The following WDPCP variants were observed in gnomAD, a reference collection of about 807,000 sequenced individuals.
WDPCP encodes WD repeat containing planar cell polarity effector, also known as WD repeat-containing and planar cell polarity effector protein fritz homolog.
A neutral mutation model predicts 93.1 loss-of-function variants in WDPCP; 71 were observed. The ratio of observed to expected loss-of-function variants is 0.76; its 90% CI spans 0.63 to 0.93. The LOEUF (loss-of-function observed/expected upper bound fraction) is 0.93. Among genes scored for constraint, WDPCP ranks in the 40% least tolerant of loss-of-function variants. The pLI is 0.00. For missense variants in WDPCP, 844 were observed against 887.4 expected (o/e 0.95, Z 0.62); for synonymous variants, 315 against 315.0 (o/e 1.00, Z 0.00).
chr2:63,427,355 A>G (rs1195645902), intron 9 of WDPCP, among the ~76,000 whole-genome samples: 2 of 152,224 alleles, frequency 1.3e-5, no homozygotes, highest in Non-Finnish European at 2.9e-5. Flanking sequence ...AAGTATCAAT[A>G]AATTTTTTTA....
intron 2 of WDPCP, among the ~76,000 whole-genome samples, chr2:63,757,200 G>A (rs1669984288): frequency 6.6e-6 from 1 of 152,170 alleles, no homozygotes; most frequent in African/African-American, 2.4e-5. Flanking sequence ...GGGCTACAGA[G>A]ACCAATAAGC....
intron 1 of WDPCP, among the ~76,000 whole-genome samples, chr2:63,555,356 C>T (rs1253783335): frequency 2.0e-5 from 3 of 152,228 alleles, no homozygotes; most frequent in Admixed American, 6.5e-5. Context: ...TGGGACTGTA[C>T]CCCTGCAGGG....
At chr2:63,355,009 G>A (rs187816719) in intron 12 of WDPCP, among the ~76,000 whole-genome samples, 2 of 152,298 alleles carry the variant, frequency 1.3e-5, no homozygotes, top group Admixed American at 1.3e-4. Flanking sequence ...CAAACATGTG[G>A]AAAACATATT....
chr2:63,786,121 C>A (rs1670464574), intron 2 of WDPCP, among the ~76,000 whole-genome samples: 1 of 152,136 alleles, frequency 6.6e-6, no homozygotes, highest in South Asian at 2.1e-4. Context: ...CTCACTGCAA[C>A]CTCTGCCTCC....
the WDPCP span, among the ~76,000 whole-genome samples, chr2:63,840,321 C>A: frequency 6.6e-6 from 1 of 152,240 alleles, no homozygotes; most frequent in Non-Finnish European, 1.5e-5. Context: ...CATCCTCTTT[C>A]CTTGAGGACT....
chr2:63,230,475 T>C (rs1480896441), intron 14 of WDPCP, among the ~76,000 whole-genome samples: 5 of 152,164 alleles, frequency 3.3e-5, no homozygotes, highest in Non-Finnish European at 7.3e-5. Flanking sequence ...CTGGGTCAAA[T>C]GGTATTTCTA....
chr2:63,350,522 C>A (rs924121117), intron 12 of WDPCP, among the ~76,000 whole-genome samples: 2 of 152,108 alleles, frequency 1.3e-5, no homozygotes, highest in Admixed American at 1.3e-4. Flanking sequence ...CATACACCCT[C>A]CTCTCTCTAA....
intron 17 of WDPCP, among the ~76,000 whole-genome samples, chr2:63,151,834 C>T (rs559962409): frequency 2.0e-5 from 3 of 152,146 alleles, no homozygotes; most frequent in East Asian, 1.9e-4. Context: ...ATAAAAATCC[C>T]GTGGAGTGTG....
At chr2:63,458,338 G>C (rs931209924) in intron 6 of WDPCP, among the ~76,000 whole-genome samples, 1 of 151,392 alleles carries the variant, frequency 6.6e-6, no homozygotes, top group Non-Finnish European at 1.5e-5. Context: ...GACTCCACCA[G>C]AAAACTCTTA....
At chr2:63,656,205 T>C (rs370690514) in intron 2 of WDPCP, among the ~76,000 whole-genome samples, 5 of 152,114 alleles carry the variant, frequency 3.3e-5, no homozygotes, top group East Asian at 3.9e-4. Flanking sequence ...CTTTTGACCA[T>C]TGGGTATCAG....
chr2:63,439,529 T>TA (rs1443968610), intron 7 of WDPCP, among the ~76,000 whole-genome samples: 1 of 152,098 alleles, frequency 6.6e-6, no homozygotes, highest in South Asian at 2.1e-4. Context: ...AAGGAAAAAG[T>TA]AAAAAACAAC....
At chr2:63,752,862 T>C (rs931370767) in intron 2 of WDPCP, among the ~76,000 whole-genome samples, 3 of 152,022 alleles carry the variant, frequency 2.0e-5, no homozygotes, top group Non-Finnish European at 4.4e-5. Context: ...CAGTTAATTT[T>C]TGTATTTTTT....
intron 13 of WDPCP, among the ~76,000 whole-genome samples, chr2:63,281,130 G>GA (rs976144575): frequency 2.7e-4 from 41 of 149,140 alleles, no homozygotes; most frequent in Middle Eastern, 3.4e-3. Context: ...AAATCAGCAA[G>GA]AAAAAAAAAC....
At chr2:63,295,500 G>GA (rs1480038023) in intron 13 of WDPCP, among the ~76,000 whole-genome samples, 3 of 151,182 alleles carry the variant, frequency 2.0e-5, no homozygotes, top group African/African-American at 7.3e-5. Flanking sequence ...CTAATATTCA[G>GA]AAAAAAGACA....
At chr2:63,571,148 T>C (rs928724475) in intron 1 of WDPCP, among the ~76,000 whole-genome samples, 16 of 152,226 alleles carry the variant, frequency 1.1e-4, no homozygotes, top group South Asian at 1.0e-3. Context: ...CCTGACCTCG[T>C]GATTCGCCTG....
At chr2:63,309,982 G>C (rs1163813842) in intron 13 of WDPCP, among the ~76,000 whole-genome samples, 1 of 152,116 alleles carries the variant, frequency 6.6e-6, no homozygotes, top group Non-Finnish European at 1.5e-5. Flanking sequence ...GAGACTACTT[G>C]TTTTTAAACA....
chr2:63,224,723 G>A (rs897184937), intron 14 of WDPCP, among the ~76,000 whole-genome samples: 2 of 151,976 alleles, frequency 1.3e-5, no homozygotes, highest in African/African-American at 4.8e-5. Flanking sequence ...GGTTACCAGG[G>A]ACTAGGGAGG....
rs1369968454 is a variant in WDPCP, at chr2:63,381,795, T to G, written c.1624+111A>C. ...AGTTTTAATAGAGCACTAACATTTT[T>G]ATCATTTAATCTCCAATACCATGAC... On this transcript the variant is annotated intron_variant, in intron 11 of 17. Coordinates refer to ENST00000272321, the MANE Select transcript of WDPCP (RefSeq NM_015910.7). The G allele has an allele frequency of 9.7e-6, 11 of 1,132,284 alleles. No homozygotes were observed. In the African/African-American group the frequency reaches 1.7e-4, roughly 18 times the overall value. 70.1% of individuals were successfully genotyped at this position (1,132,284 alleles called of 1,614,324 possible).
chr2:63,806,813 G>A (rs527423153), intron 2 of WDPCP, among the ~76,000 whole-genome samples: 2 of 152,310 alleles, frequency 1.3e-5, no homozygotes, highest in African/African-American at 4.8e-5. Context: ...CTCACTGGTG[G>A]TCAGAGTTTA....
Sources: allele counts gnomAD v4.1 joint callset (sites outside exome capture counted in the v4.1 genomes callset), GRCh38; gene constraint gnomAD v4.1.1; transcripts MANE v1.5; gene names NCBI Gene and HGNC (gene_info 2026-07-23, HGNC 2026-07-21).